RCSD1: variants seen among roughly 807,000 people sequenced by gnomAD.
RCSD1 encodes the protein RCSD domain containing 1.
In RCSD1, 26 loss-of-function variants were observed where a neutral mutation model predicts 42.5. The ratio of observed to expected loss-of-function variants is 0.61; its 90% CI spans 0.45 to 0.85. The LOEUF is 0.85. RCSD1 is among the 40% of genes least tolerant of loss of function. The pLI is 0.00. For synonymous variants in RCSD1, 220 were observed against 212.2 expected (o/e 1.04, Z -0.32); for missense variants, 571 against 528.3 (o/e 1.08, Z -0.79).
intron 1 of RCSD1, chr1:167,638,584 GCC>G (rs1244211885): frequency 6.6e-6 from 1 of 152,216 alleles, no homozygotes; most frequent in Non-Finnish European, 1.5e-5. Context: ...CCTCAGCCTG[GCC>G]AGTCTTCCTC....
intron 1 of RCSD1, among the ~76,000 whole-genome samples, chr1:167,674,974 A>C (rs1162181251): frequency 3.3e-5 from 5 of 152,156 alleles, no homozygotes; most frequent in African/African-American, 9.7e-5. Context: ...TGGGAGGCTG[A>C]GGTGGGTGAA....
At chr1:167,673,000 T>C (rs1658848832) in intron 1 of RCSD1, among the ~76,000 whole-genome samples, 1 of 152,100 alleles carries the variant, frequency 6.6e-6, no homozygotes, top group South Asian at 2.1e-4. Context: ...TTTGATCCCA[T>C]TTTACAGATG....
intron 1 of RCSD1, chr1:167,663,912 T>C (rs1571687383): frequency 1.3e-5 from 2 of 152,214 alleles, no homozygotes; most frequent in Non-Finnish European, 2.9e-5. Context: ...CATTTGGGCT[T>C]TATCACAATT....
chr1:167,651,552 G>A (rs1032840161), intron 1 of RCSD1, among the ~76,000 whole-genome samples: 43 of 152,288 alleles, frequency 2.8e-4, no homozygotes, highest in African/African-American at 9.1e-4. Context: ...CTCATGTCAC[G>A]CCTTTCTAAC....
chr1:167,633,384 A>G (rs1001187389), intron 1 of RCSD1, among the ~76,000 whole-genome samples: 1 of 152,214 alleles, frequency 6.6e-6, no homozygotes, highest in Non-Finnish European at 1.5e-5. Flanking sequence ...AGATGTGGGT[A>G]AGGTGGAGAA....
At chr1:167,671,705 A>G (rs1571692672) in intron 1 of RCSD1, among the ~76,000 whole-genome samples, 1 of 152,136 alleles carries the variant, frequency 6.6e-6, no homozygotes, top group South Asian at 2.1e-4. Flanking sequence ...CACATGTCTT[A>G]CCCTGCAGCC....
At position 167,630,518 on chromosome 1, in the gene RCSD1, T is replaced by A. The variant is rs542819034; in HGVS notation, c.6+89T>A. 1.6e-4 allele frequency: 210 copies of A among 1,335,488 alleles called. No homozygotes were observed. The African/African-American group carries it at 2.9e-3, about 19-fold the overall frequency. The allele number at this position is 1,335,488 out of a possible 1,614,324, so 82.7% of individuals were successfully genotyped here. On this transcript the variant is annotated intron_variant, in intron 1 of 6. Transcript: ENST00000367854. Reference sequence around the variant, plus strand: ...CGGGCGGCTGCCCCTGCCCTGAGCATGGAGCACGCGGCTCATCGCTGCTGC... The same window carrying A: ...CGGGCGGCTGCCCCTGCCCTGAGCAAGGAGCACGCGGCTCATCGCTGCTGC...
intron 1 of RCSD1, among the ~76,000 whole-genome samples, chr1:167,632,342 T>C (rs1204800631): frequency 6.6e-6 from 1 of 152,122 alleles, no homozygotes; most frequent in Non-Finnish European, 1.5e-5. Context: ...GAAAAGCAAC[T>C]CTTAGACTTC....
chr1:167,635,643 C>G (rs1405562511), intron 1 of RCSD1, among the ~76,000 whole-genome samples: 1 of 152,220 alleles, frequency 6.6e-6, no homozygotes, highest in Non-Finnish European at 1.5e-5. Context: ...CCAGAGAAAT[C>G]TGAAGGCAGC....
At chr1:167,632,323 G>C (rs1196912451) in intron 1 of RCSD1, among the ~76,000 whole-genome samples, 2 of 152,190 alleles carry the variant, frequency 1.3e-5, no homozygotes, top group Non-Finnish European at 2.9e-5. Flanking sequence ...AAAAGGATTG[G>C]AGATAAGAGA....
At chr1:167,672,800 C>G (rs920108114) in intron 1 of RCSD1, among the ~76,000 whole-genome samples, 2 of 152,246 alleles carry the variant, frequency 1.3e-5, no homozygotes, top group Non-Finnish European at 2.9e-5. Flanking sequence ...TGCTACCATA[C>G]TGACTGACCT....
chr1:167,652,018 C>CTTTTTTTTT (rs66622527), intron 1 of RCSD1, among the ~76,000 whole-genome samples: 1 of 108,106 alleles, frequency 9.3e-6, no homozygotes, highest in Non-Finnish European at 1.8e-5. Flanking sequence ...CTCTGTTCAT[C>CTTTTTTTTT]TTTTTTTTTT....
Position 167,660,433 on chromosome 1 carries a change from A to G in RCSD1, c.7-23467A>G, listed in dbSNP as rs2102213546. On this transcript the variant is annotated intron_variant, in intron 1 of 6. Coordinates refer to ENST00000367854, the MANE Select transcript of RCSD1 (RefSeq NM_052862.4). ...TTGGGCTGTGAATCATGCCCCCTAGAGTTACAACCTCTATACCATTGGCTC... is the reference window on the plus strand; with the variant it reads ...TTGGGCTGTGAATCATGCCCCCTAGGGTTACAACCTCTATACCATTGGCTC... 2.7e-5 allele frequency among the ~76,000 whole-genome samples: 4 copies of G among 150,920 alleles called. No individual in the cohort carries two copies. The South Asian group carries it at 8.4e-4, about 32-fold the overall frequency.
At chr1:167,692,152 A>G (rs1181634013) in intron 4 of RCSD1, among the ~76,000 whole-genome samples, 3 of 152,232 alleles carry the variant, frequency 2.0e-5, no homozygotes, top group African/African-American at 7.2e-5. Flanking sequence ...CAGCAATAGA[A>G]TGACAACTTA....
chr1:167,702,460 T>C (rs1659665386), intron 6 of RCSD1, among the ~76,000 whole-genome samples: 1 of 152,238 alleles, frequency 6.6e-6, no homozygotes, highest in Non-Finnish European at 1.5e-5. Context: ...CAGAATCAGA[T>C]ACAACTCTAA....
intron 1 of RCSD1, among the ~76,000 whole-genome samples, chr1:167,647,381 G>A (rs1017823874): frequency 2.0e-5 from 3 of 150,790 alleles, no homozygotes; most frequent in Middle Eastern, 3.4e-3. Context: ...TTGAGCCCAG[G>A]AGTTCAAGAT....
intron 3 of RCSD1, 148 bp from the exon 4 acceptor site, chr1:167,689,901 C>T: frequency 1.4e-6 from 1 of 696,324 alleles, no homozygotes. Flanking sequence ...GTCGCCCAGG[C>T]CCTAATGAAG....
At position 167,668,966 on chromosome 1, in the gene RCSD1, T is replaced by A. The variant is rs1229364; in HGVS notation, c.7-14934T>A. On this transcript the variant is annotated intron_variant, in intron 1 of 6. Transcript: ENST00000367854. ...TTGCAAATGTAGTTAAACAGATTTGTGAATTCAGTAATTTATAAAAACTTA... is the reference window on the plus strand; with the variant it reads ...TTGCAAATGTAGTTAAACAGATTTGAGAATTCAGTAATTTATAAAAACTTA... 3.3e-5 allele frequency among the ~76,000 whole-genome samples: 5 copies of A among 152,116 alleles called. No homozygotes were observed. In the South Asian group the frequency reaches 8.3e-4, roughly 25 times the overall value.
intron 1 of RCSD1, among the ~76,000 whole-genome samples, chr1:167,650,861 T>G (rs1347328244): frequency 6.6e-6 from 1 of 152,166 alleles, no homozygotes; most frequent in Non-Finnish European, 1.5e-5. Context: ...GAGGCCAAGT[T>G]CAATGCCTTT....
Sources: allele counts gnomAD v4.1 joint callset (sites outside exome capture counted in the v4.1 genomes callset), GRCh38; gene constraint gnomAD v4.1.1; transcripts MANE v1.5; gene names NCBI Gene and HGNC (gene_info 2026-07-23, HGNC 2026-07-21).